FAM114A2: variants seen among roughly 807,000 people sequenced by gnomAD.
The protein encoded by FAM114A2 is family with sequence similarity 114 member A2, also known as protein FAM114A2.
In FAM114A2, 53 loss-of-function variants were observed where a neutral mutation model predicts 58.4. The observed-to-expected ratio is 0.91, with a 90% CI of 0.73 to 1.14. The LOEUF is 1.14. Among genes scored for constraint, FAM114A2 ranks in the 50% most tolerant of loss-of-function variants. The pLI, the probability that FAM114A2 is intolerant of heterozygous loss-of-function variation, is 0.00. For missense variants in FAM114A2, 601 were observed against 581.1 expected, an observed-to-expected ratio of 1.03 and a Z score of -0.35; for synonymous variants, 228 against 211.4, an observed-to-expected ratio of 1.08 and a Z score of -0.68.
In FAM114A2 at chr5:153,993,112, T is replaced by C; in HGVS notation, c.1384-2A>G. 2 of 1,599,792 alleles carry C rather than the reference T, an allele frequency of 1.3e-6. No homozygotes were observed. The highest frequency in any genetic ancestry group is 1.7e-6 in the Non-Finnish European group (2 of 1,174,166). On this transcript the variant is annotated splice_acceptor_variant, in intron 13 of 13. Transcript: ENST00000351797. LOFTEE classifies it high-confidence loss of function. ...GATGTAGGAGGCACTGTTTGATGCCTGCCAGGATTGAAAAAACAAGAAAAA... is the reference window on the plus strand; with the variant it reads ...GATGTAGGAGGCACTGTTTGATGCCCGCCAGGATTGAAAAAACAAGAAAAA...
intron 9 of FAM114A2, among the ~76,000 whole-genome samples, chr5:154,004,203 C>T (rs2113253629): frequency 6.6e-6 from 1 of 152,308 alleles, no homozygotes; most frequent in Middle Eastern, 3.4e-3. Context: ...TTTATCCATT[C>T]TCCTGATAAT....
intron 9 of FAM114A2, 124 bp downstream of exon 9, chr5:154,011,117 G>T: frequency 1.4e-6 from 1 of 691,464 alleles, no homozygotes; most frequent in Admixed American, 2.7e-5. Context: ...CCCAATTCTG[G>T]GTATAACGAG....
rs554054785 is a variant in FAM114A2 at position 154,011,187 on chromosome 5, C to T, written c.993+54G>A. 1.9e-3 allele frequency: 2,478 copies of T among 1,290,056 alleles called. 4 individuals are homozygous for T. The highest frequency in any genetic ancestry group is 3.5e-3 in the South Asian group (283 of 80,806). The allele number at this position is 1,290,056 out of a possible 1,614,324, so 79.9% of individuals were successfully genotyped here. On this transcript the variant is annotated intron_variant, in intron 9 of 13. Transcript: ENST00000351797. ...GAATTTATAATCTTATGCTCTTTAT[C>T]CACTACATTTTTACAAGTAAAATAA...
At chr5:154,020,666 C>T (rs531910873) in intron 8 of FAM114A2, among the ~76,000 whole-genome samples, 8 of 152,098 alleles carry the variant, frequency 5.3e-5, no homozygotes, top group African/African-American at 1.9e-4. Flanking sequence ...AGCTTACCAA[C>T]CAAAAAAAGT....
chr5:154,034,946 T>C lies in FAM114A2; in HGVS notation c.8A>G (p.Asp3Gly). 2 of 1,612,826 alleles carry C rather than the reference T, an allele frequency of 1.2e-6. No individual in the cohort carries two copies. Among genetic ancestry groups the C allele is most frequent in the Non-Finnish European group, 8.5e-7 (1 of 1,179,070 alleles). ...CAGTGGAGTCTCAATATCATCTTTATCTGACATGATTAGAACATCAGCTGG... is the reference window on the plus strand; with the variant it reads ...CAGTGGAGTCTCAATATCATCTTTACCTGACATGATTAGAACATCAGCTGG... MS[D>G]KDDIETPLLT... Residue 3 changes from aspartate to glycine, a missense_variant, in exon 2 of 14, where the codon GAT becomes GGT. By Grantham distance (94) the Asp-to-Gly change is moderately conservative (BLOSUM62 -1). Transcript: ENST00000351797.
Position 153,997,811 on chromosome 5 carries a change from T to C in FAM114A2, c.1321A>G (p.Thr441Ala). ...GAGGCATGGATTCTTACCCCAGCAGTTGTTAGGCAGGTAGTGAACTCTTTA... is the reference window on the plus strand; with the variant it reads ...GAGGCATGGATTCTTACCCCAGCAGCTGTTAGGCAGGTAGTGAACTCTTTA... Reference protein sequence around the residue: ...LSKEFTTCLTTAGVKEMADVL... With the variant: ...LSKEFTTCLTAAGVKEMADVL... The change falls in exon 12 of 14, where the codon ACT (threonine) becomes GCT (alanine). Residue 441 changes from threonine (T) to alanine (A), a missense_variant. By Grantham distance (58) the Thr-to-Ala change is moderately conservative. Transcript: ENST00000351797. The C allele has an allele frequency of 6.4e-7, 1 of 1,569,612 alleles. No homozygotes were observed. Among genetic ancestry groups the C allele is most frequent in the Non-Finnish European group, 8.8e-7 (1 of 1,139,700 alleles).
intron 1 of FAM114A2, among the ~76,000 whole-genome samples, chr5:154,038,117 G>A (rs1772713914): frequency 6.6e-6 from 1 of 151,946 alleles, no homozygotes; most frequent in Non-Finnish European, 1.5e-5. Context: ...GCATTGTGTA[G>A]TAAGCGTGTA....
At chr5:153,993,786 C>CA (rs111496849) in intron 13 of FAM114A2, among the ~76,000 whole-genome samples, 3 of 148,018 alleles carry the variant, frequency 2.0e-5, no homozygotes, top group Non-Finnish European at 4.5e-5. Flanking sequence ...AATCTGTATC[C>CA]AAAAAAAAAA....
rs774611281 is a variant in FAM114A2, at chr5:154,002,253, G to A, written c.1254C>T (p.Ser418=). 6.2e-6 allele frequency: 10 copies of A among 1,613,228 alleles called. No homozygotes were observed. The highest frequency in any genetic ancestry group is 7.6e-6 in the Non-Finnish European group (9 of 1,179,332). The change falls in exon 11 of 14, where the codon TCC becomes TCT. Residue 418 remains serine, a splice_region_variant and synonymous_variant. Coordinates refer to ENST00000351797, the MANE Select transcript of FAM114A2 (RefSeq NM_018691.4). Reference sequence around the variant, plus strand: ...AGAGGAATTCTCATTACACTTACTGGGAAAGAGTTTGGCTCCTTTCTATGG... The same window carrying A: ...AGAGGAATTCTCATTACACTTACTGAGAAAGAGTTTGGCTCCTTTCTATGG... ...VTAIERSQTL[S]QMTIVLCKEL...
In FAM114A2 at chr5:154,006,597, G is replaced by A. The variant is rs149496732; in HGVS notation, c.994-3628C>T. ...AGTGAGGTTTACAGAAGAGAACACT[G>A]AGAGATGAGGCTGGAAAGAATCATA... On this transcript the variant is annotated intron_variant, in intron 9 of 13. Coordinates refer to ENST00000351797, the MANE Select transcript of FAM114A2 (RefSeq NM_018691.4). Among the ~76,000 whole-genome samples the A allele has an allele frequency of 3.5e-3, 527 of 152,242 alleles. 7 individuals carry two copies. Among genetic ancestry groups the A allele is most frequent in the African/African-American group, 0.012 (500 of 41,540 alleles).
chr5:154,018,216 G>A (rs923443746), intron 8 of FAM114A2, among the ~76,000 whole-genome samples: 27 of 152,174 alleles, frequency 1.8e-4, no homozygotes, highest in Non-Finnish European at 1.0e-4. Context: ...AATTAGAAAC[G>A]AAATGAGAGA....
intron 9 of FAM114A2, among the ~76,000 whole-genome samples, chr5:154,005,123 A>G (rs564381457): frequency 6.6e-6 from 1 of 152,350 alleles, no homozygotes; most frequent in South Asian, 2.1e-4. Context: ...GTATTATAGG[A>G]TAGCTAGAGA....
At position 153,993,012 on chromosome 5, in the gene FAM114A2, A is replaced by G. The variant is rs201693208; in HGVS notation, c.1482T>C (p.His494=). ...ACAAAGGTTTCTGGCCCTGCAGCTC[A>G]TGTCTGTGTGATTCAATCTTGTTCT... ...LIENKIESHR[H]ELQGQKPLLE... is the part of the protein sequence containing the mutation. The change falls in exon 14 of 14, where the codon CAT becomes CAC. Residue 494 remains histidine, a synonymous_variant. Transcript: ENST00000351797. 3.6e-5 allele frequency: 58 copies of G among 1,613,016 alleles called. No homozygotes were observed. In the East Asian group the frequency reaches 1.2e-3, roughly 35 times the overall value.
Position 154,034,863 on chromosome 5 carries a change from C to CAA in FAM114A2, c.90_91insTT (p.Glu31LeufsTer17). The stretch of plus-strand genomic sequence containing the variant: ...GGTTTGGCACCTTGGTCAACAGACT[C>CAA]AGAATTCTTGGCTGGCTCACAGTTT... On this transcript the variant is annotated frameshift_variant, in exon 2 of 14. Coordinates refer to ENST00000351797, the MANE Select transcript of FAM114A2 (RefSeq NM_018691.4). LOFTEE classifies it high-confidence loss of function. 7.4e-6 allele frequency: 12 copies of CAA among 1,614,010 alleles called. No homozygotes were observed. The highest frequency in any genetic ancestry group is 1.0e-5 in the Non-Finnish European group (12 of 1,179,912).
chr5:154,012,900 T>A (rs571001676), intron 8 of FAM114A2, among the ~76,000 whole-genome samples: 8 of 152,228 alleles, frequency 5.3e-5, no homozygotes, highest in African/African-American at 1.9e-4. Flanking sequence ...AAAAATGGAC[T>A]TTTTTATTTA....
At chr5:154,003,177 G>GTTTTTTTTTTTTTTTTTTTTTTT (rs1554081252) in intron 9 of FAM114A2, among the ~76,000 whole-genome samples, 1 of 134,882 alleles carries the variant, frequency 7.4e-6, no homozygotes, top group Non-Finnish European at 1.6e-5. Flanking sequence ...CTAATTGGTA[G>GTTTTTTTTTTTTTTTTTTTTTTT]TATTTTTTTT....
In FAM114A2 at chr5:153,993,003, C is replaced by A. The variant is rs766962060; in HGVS notation, c.1491G>T (p.Gln497His). Residue 497 changes from glutamine (Q) to histidine (H), a missense_variant, in exon 14 of 14, where the codon CAG (glutamine) becomes CAT (histidine). Coordinates refer to ENST00000351797, the MANE Select transcript of FAM114A2 (RefSeq NM_018691.4). ...NKIESHRHELQGQKPLLEH is the reference protein window; with the variant it reads ...NKIESHRHELHGQKPLLEH The stretch of plus-strand genomic sequence containing the variant: ...AATGTTCTAACAAAGGTTTCTGGCC[C>A]TGCAGCTCATGTCTGTGTGATTCAA... 1 of 1,612,244 alleles carries A rather than the reference C, an allele frequency of 6.2e-7. No individual in the cohort carries two copies. Among genetic ancestry groups the A allele is most frequent in the Non-Finnish European group, 8.5e-7 (1 of 1,178,830 alleles).
chr5:154,027,373 G>A, intron 6 of FAM114A2, 39 bp from the exon 7 acceptor site: 2 of 1,564,722 alleles, frequency 1.3e-6, no homozygotes, highest in East Asian at 2.3e-5. Flanking sequence ...AGCAAACAAT[G>A]AGAGCTCAAG....
At chr5:154,003,143 T>G (rs1051070863) in intron 9 of FAM114A2, among the ~76,000 whole-genome samples, 174 bp from the exon 10 acceptor site, 7 of 151,834 alleles carry the variant, frequency 4.6e-5, no homozygotes, top group African/African-American at 1.5e-4. Flanking sequence ...ATCACTGTGG[T>G]CCATCATTCC....
Sources: allele counts gnomAD v4.1 joint callset (sites outside exome capture counted in the v4.1 genomes callset), GRCh38; gene constraint gnomAD v4.1.1; transcripts MANE v1.5; gene names NCBI Gene and HGNC (gene_info 2026-07-23, HGNC 2026-07-21).